The following EYS variants were observed in gnomAD, a reference collection of about 807,000 sequenced individuals.
The protein encoded by EYS is EGF-like photoreceptor maintenance factor, also known as protein eyes shut homolog.
A neutral mutation model predicts 282.1 loss-of-function variants in EYS; 250 were observed. The observed-to-expected ratio is 0.89, with a 90% confidence interval of 0.80 to 0.98. EYS has a LOEUF of 0.98. Among genes scored for constraint, EYS ranks in the 50% least tolerant of loss-of-function variants. EYS has a pLI of 0.00. For missense variants in EYS, 4,016 were observed against 3,709.0 expected, an observed-to-expected ratio of 1.08 and a Z score of -2.15; for synonymous variants, 1,355 against 1,282.9, an observed-to-expected ratio of 1.06 and a Z score of -1.20.
At chr6:65,571,615 C>T (rs1227035847) in intron 2 of EYS, among the ~76,000 whole-genome samples, 2 of 151,856 alleles carry the variant, frequency 1.3e-5, no homozygotes, top group Non-Finnish European at 2.9e-5. Context: ...GCCATAGTCC[C>T]GGGTAACATA....
chr6:64,834,718 T>G (rs1187057849), intron 19 of EYS, among the ~76,000 whole-genome samples: 1 of 151,862 alleles, frequency 6.6e-6, no homozygotes, highest in East Asian at 1.9e-4. Flanking sequence ...AGTGGCATTT[T>G]AAAAATACTA....
intron 2 of EYS, among the ~76,000 whole-genome samples, chr6:65,589,876 A>G (rs1045132506): frequency 1.3e-5 from 2 of 151,938 alleles, no homozygotes; most frequent in African/African-American, 4.8e-5. Context: ...CTTAATGTTT[A>G]TTAATGTGTT....
At chr6:64,812,491 G>T (rs1288554383) in intron 22 of EYS, among the ~76,000 whole-genome samples, 3 of 151,898 alleles carry the variant, frequency 2.0e-5, no homozygotes, top group Non-Finnish European at 4.4e-5. Context: ...ATATAAGTAG[G>T]CAAAACATGC....
At position 64,636,656 on chromosome 6, in the gene EYS, C is replaced by T. The variant is rs1027980616; in HGVS notation, c.3444-10411G>A. On this transcript the variant is annotated intron_variant, in intron 22 of 42. Transcript: ENST00000503581. ...ACTACCATCAGAGTGAACAGGCAAC[C>T]TACAGAATGGGAGAAAATTTTGCAA... Among the ~76,000 whole-genome samples, 343 of 152,160 alleles carry T rather than the reference C, an allele frequency of 2.3e-3. 2 individuals are homozygous for T. Among genetic ancestry groups the T allele is most frequent in the Admixed American group, 9.9e-3 (151 of 15,292 alleles).
chr6:65,657,039 G>A lies in EYS; in HGVS notation c.-447-17147C>T, dbSNP rs560026181. On this transcript the variant is annotated intron_variant, in intron 1 of 42. Transcript: ENST00000503581. ...ACTCTGCCTGTCCTCTAGAAATGGAGGAACAAAGCCTCAATGATAGCACAT... is the reference window on the plus strand; with the variant it reads ...ACTCTGCCTGTCCTCTAGAAATGGAAGAACAAAGCCTCAATGATAGCACAT... Among the ~76,000 whole-genome samples, 4 of 151,940 alleles carry A rather than the reference G, an allele frequency of 2.6e-5. 1 individual carries two copies. Among genetic ancestry groups the A allele is most frequent in the African/African-American group, 9.6e-5 (4 of 41,518 alleles).
At chr6:64,997,258 G>A (rs1301330475) in intron 14 of EYS, among the ~76,000 whole-genome samples, 2 of 152,082 alleles carry the variant, frequency 1.3e-5, no homozygotes, top group African/African-American at 2.4e-5. Context: ...ATAGGTGGCC[G>A]TTAAGACTCA....
At chr6:63,856,762 TA>T (rs1210763252) in intron 36 of EYS, among the ~76,000 whole-genome samples, 1 of 152,212 alleles carries the variant, frequency 6.6e-6, no homozygotes, top group Admixed American at 6.5e-5. Flanking sequence ...TTCTTTGGAT[TA>T]AAAAATTTTA....
chr6:63,730,997 G>A (rs537541389), intron 41 of EYS, among the ~76,000 whole-genome samples: 2 of 152,254 alleles, frequency 1.3e-5, no homozygotes, highest in South Asian at 4.2e-4. Context: ...CTCTAGCCTG[G>A]TGACAGAGCA....
chr6:64,714,565 G>A (rs1462331860), intron 22 of EYS, among the ~76,000 whole-genome samples: 1 of 133,254 alleles, frequency 7.5e-6, no homozygotes, highest in Non-Finnish European at 1.5e-5. Context: ...TGGCTCTGTC[G>A]CCCAGGCTGG....
Position 64,388,754 on chromosome 6 carries a change from T to G in EYS, c.6014A>C (p.Lys2005Thr). 1.3e-6 allele frequency: 2 copies of G among 1,545,620 alleles called. No homozygotes were observed. The highest frequency in any genetic ancestry group is 1.7e-6 in the Non-Finnish European group (2 of 1,144,060). Residue 2005 changes from lysine to threonine, a missense_variant, in exon 29 of 43, where the codon AAA becomes ACA. Lys to Thr is a moderately conservative substitution (Grantham distance 78, BLOSUM62 -1). Coordinates refer to ENST00000503581, the MANE Select transcript of EYS (RefSeq NM_001142800.2). ...GACAGATCCTGATTTTGGCAGGGGT[T>G]TTCCGAGTACATGATTGATAGATTC... ...ICESINHVLG[K>T]PLPKSGSVFI...
chr6:64,906,917 A>G (rs1767845668), intron 16 of EYS, among the ~76,000 whole-genome samples: 1 of 152,244 alleles, frequency 6.6e-6, no homozygotes, highest in Admixed American at 6.5e-5. Context: ...AATTCTTGAC[A>G]TGTATTTCTA....
intron 37 of EYS, among the ~76,000 whole-genome samples, chr6:63,804,822 G>A (rs1489029383): frequency 1.3e-5 from 2 of 152,162 alleles, no homozygotes. Flanking sequence ...ATTACAATGT[G>A]GATAATTAAT....
At chr6:64,813,256 A>C in intron 22 of EYS, 122 bp downstream of exon 22, 1 of 626,146 alleles carries the variant, frequency 1.6e-6, no homozygotes, top group South Asian at 2.7e-5. Flanking sequence ...GTGCTTATAT[A>C]TATATAAGGT....
At chr6:65,274,597 G>A (rs935542867) in intron 12 of EYS, among the ~76,000 whole-genome samples, 1 of 152,084 alleles carries the variant, frequency 6.6e-6, no homozygotes, top group African/African-American at 2.4e-5. Context: ...TTACCTCAGG[G>A]TTATAAAAAT....
In EYS at chr6:64,056,415, C is replaced by T. The variant is rs1214051621; in HGVS notation, c.6725+9923G>A. Reference sequence around the variant, plus strand: ...TGGTGATTTCTGTGCATCATCAATCCAAGACTTTACTTTTTCCTATTCTGA... The same window carrying T: ...TGGTGATTTCTGTGCATCATCAATCTAAGACTTTACTTTTTCCTATTCTGA... On this transcript the variant is annotated intron_variant, in intron 33 of 42. Transcript: ENST00000503581. Among the ~76,000 whole-genome samples the T allele has an allele frequency of 2.6e-5, 4 of 152,258 alleles. No individual in the cohort carries two copies. The South Asian group carries it at 8.3e-4, about 32-fold the overall frequency.
At chr6:65,569,209 T>C (rs2127351053) in intron 2 of EYS, among the ~76,000 whole-genome samples, 1 of 152,202 alleles carries the variant, frequency 6.6e-6, no homozygotes, top group Non-Finnish European at 1.5e-5. Flanking sequence ...ACTGAGCACC[T>C]TGTGACCCCC....
At chr6:64,087,718 G>T (rs1334669016) in intron 31 of EYS, among the ~76,000 whole-genome samples, 1 of 151,968 alleles carries the variant, frequency 6.6e-6, no homozygotes, top group Non-Finnish European at 1.5e-5. Context: ...GATGAGAAAA[G>T]GTAATGATGA....
intron 12 of EYS, among the ~76,000 whole-genome samples, chr6:65,240,662 C>T (rs893453464): frequency 1.3e-5 from 2 of 152,166 alleles, no homozygotes; most frequent in Non-Finnish European, 2.9e-5. Context: ...TATATCACCA[C>T]ATTTTTTTAT....
chr6:64,345,748 A>G (rs2150399826), intron 29 of EYS, among the ~76,000 whole-genome samples: 1 of 152,292 alleles, frequency 6.6e-6, no homozygotes, highest in African/African-American at 2.4e-5. Context: ...AGAAACTACC[A>G]TCAGAGTGAA....
Sources: gnomAD v4.1 joint callset for allele counts (sites outside exome capture counted in the v4.1 genomes callset) on GRCh38, gnomAD v4.1.1 for gene constraint, MANE v1.5 for transcripts, NCBI Gene and HGNC (gene_info 2026-07-23, HGNC 2026-07-21) for gene names.